The following PKN2 variants were observed in gnomAD, a reference collection of about 807,000 sequenced individuals.
PKN2 encodes the protein protein kinase N2.
In PKN2, 38 loss-of-function variants were observed where a neutral mutation model predicts 119.1. That is an observed-to-expected ratio of 0.32 (90% CI 0.25 to 0.42). The LOEUF is 0.42. Ranked by LOEUF, PKN2 falls within the 10% of genes least tolerant of loss-of-function variation. PKN2 has a pLI of 1.00. For missense variants in PKN2, 850 were observed against 1,165.1 expected, an observed-to-expected ratio of 0.73 and a Z score of 3.94; for synonymous variants, 390 against 384.9, an observed-to-expected ratio of 1.01 and a Z score of -0.15.
intron 3 of PKN2, among the ~76,000 whole-genome samples, chr1:88,768,675 T>G (rs1055692842): frequency 6.6e-6 from 1 of 152,196 alleles, no homozygotes; most frequent in African/African-American, 2.4e-5. Context: ...CATCTTCGAG[T>G]AGGTCATTAT....
Position 88,741,230 on chromosome 1 carries a change from T to C in PKN2, c.291T>C (p.His97=), listed in dbSNP as rs1668566407. 1.2e-6 allele frequency: 2 copies of C among 1,600,844 alleles called. No individual in the cohort carries two copies. The highest frequency in any genetic ancestry group is 1.4e-5 in the African/African-American group (1 of 73,928). ...CAAATAAAAAATTAGAAGAACTACA[T>C]CACAAGCTGCAGGAATTAAATGCAC... ...KKSNKKLEEL[H]HKLQELNAHI... The change falls in exon 2 of 22, where the codon CAT becomes CAC. Residue 97 remains histidine (H), a synonymous_variant. Coordinates refer to ENST00000370521, the MANE Select transcript of PKN2 (RefSeq NM_006256.4).
At chr1:88,753,448 T>C (rs1198958804) in intron 2 of PKN2, among the ~76,000 whole-genome samples, 2 of 152,202 alleles carry the variant, frequency 1.3e-5, no homozygotes, top group African/African-American at 2.4e-5. Flanking sequence ...AAAGATATTT[T>C]CGTTGGATAT....
intron 3 of PKN2, among the ~76,000 whole-genome samples, chr1:88,764,914 G>A (rs1023597112): frequency 6.6e-6 from 1 of 151,746 alleles, no homozygotes; most frequent in South Asian, 2.1e-4. Flanking sequence ...TGTTGTTATT[G>A]TTGTTTTGTT....
chr1:88,793,598 G>T (rs184988644), intron 8 of PKN2, among the ~76,000 whole-genome samples: 1 of 152,132 alleles, frequency 6.6e-6, no homozygotes, highest in East Asian at 1.9e-4. Flanking sequence ...CATTATGAGG[G>T]ATTTAAAATA....
At chr1:88,698,557 G>A (rs61025828) in intron 1 of PKN2, among the ~76,000 whole-genome samples, 13,190 of 152,126 alleles carry the variant, frequency 0.087, 1,302 homozygotes, top group African/African-American at 0.24. Flanking sequence ...GTATTAATAG[G>A]CGCTTACATT....
At chr1:88,746,488 G>A (rs1192202386) in intron 2 of PKN2, among the ~76,000 whole-genome samples, 4 of 121,550 alleles carry the variant, frequency 3.3e-5, no homozygotes, top group Non-Finnish European at 7.5e-5. Context: ...ATAAATGGCC[G>A]ACAGATAATA....
chr1:88,791,584 T>C (rs1670845098), intron 8 of PKN2, among the ~76,000 whole-genome samples: 1 of 152,176 alleles, frequency 6.6e-6, no homozygotes, highest in Non-Finnish European at 1.5e-5. Context: ...AGAGTGGGGT[T>C]ATGTCCAGTC....
chr1:88,755,617 A>G (rs1233640874), intron 2 of PKN2, among the ~76,000 whole-genome samples: 2 of 152,204 alleles, frequency 1.3e-5, no homozygotes, highest in Non-Finnish European at 2.9e-5. Context: ...AGCCCTTATT[A>G]CATTTTAAGC....
At chr1:88,764,854 T>C (rs1669594779) in intron 3 of PKN2, among the ~76,000 whole-genome samples, 1 of 152,226 alleles carries the variant, frequency 6.6e-6, no homozygotes, top group Non-Finnish European at 1.5e-5. Context: ...TCCTTTGGAA[T>C]GATCTCTGGG....
chr1:88,767,868 T>G (rs1669727879), intron 3 of PKN2, among the ~76,000 whole-genome samples: 1 of 152,218 alleles, frequency 6.6e-6, no homozygotes, highest in Admixed American at 6.5e-5. Context: ...TCTTTCTTCT[T>G]TATTCAGTGT....
chr1:88,826,290 A>G (rs141304848), intron 18 of PKN2, among the ~76,000 whole-genome samples: 2 of 152,284 alleles, frequency 1.3e-5, no homozygotes, highest in African/African-American at 4.8e-5. Flanking sequence ...TCATAAAAAC[A>G]TGTTTAGTAG....
chr1:88,719,191 A>C (rs1012087106), intron 1 of PKN2, among the ~76,000 whole-genome samples: 2 of 152,226 alleles, frequency 1.3e-5, no homozygotes, highest in Non-Finnish European at 2.9e-5. Flanking sequence ...TTTATTGCTC[A>C]CTAATTTTTA....
At position 88,760,369 on chromosome 1, in the gene PKN2, C is replaced by A; in HGVS notation, c.497C>A (p.Ser166Tyr). Residue 166 changes from serine to tyrosine, a missense_variant, in exon 3 of 22, where the codon TCT (serine) becomes TAT (tyrosine). Transcript: ENST00000370521. ...ENMIQMYSNG[S>Y]SKDRKLHGTA... is the part of the protein sequence containing the mutation. Reference sequence around the variant, plus strand: ...ATGATACAGATGTATTCAAATGGATCTTCAAAGGTAAGTGTAGTTAATAAA... The same window carrying A: ...ATGATACAGATGTATTCAAATGGATATTCAAAGGTAAGTGTAGTTAATAAA... 1 of 1,512,138 alleles carries A rather than the reference C, an allele frequency of 6.6e-7. No homozygotes were observed. The highest frequency in any genetic ancestry group is 9.0e-7 in the Non-Finnish European group (1 of 1,105,646). 93.7% of individuals were successfully genotyped at this position (1,512,138 alleles called of 1,614,324 possible). A position where few individuals can be genotyped will look rare whatever the true frequency, so the allele number is the denominator to read the frequency against.
intron 6 of PKN2, among the ~76,000 whole-genome samples, chr1:88,780,661 A>C (rs1670298639): frequency 6.6e-6 from 1 of 152,154 alleles, no homozygotes; most frequent in Admixed American, 6.5e-5. Context: ...TGATACATTC[A>C]ACAAGTACTT....
intron 8 of PKN2, among the ~76,000 whole-genome samples, chr1:88,797,607 G>A (rs1438846006): frequency 3.4e-5 from 5 of 147,822 alleles, no homozygotes; most frequent in African/African-American, 1.0e-4. Flanking sequence ...GCGCCACTGC[G>A]CTCCAGCCTG....
intron 3 of PKN2, among the ~76,000 whole-genome samples, chr1:88,766,704 T>G (rs1669681741): frequency 6.6e-6 from 1 of 152,198 alleles, no homozygotes; most frequent in Non-Finnish European, 1.5e-5. Context: ...GTCAGATTTC[T>G]CCAATATGTA....
At chr1:88,784,132 CTTTTTTTT>C (rs397862410) in intron 6 of PKN2, among the ~76,000 whole-genome samples, 2 of 103,948 alleles carry the variant, frequency 1.9e-5, no homozygotes, top group African/African-American at 4.1e-5. Flanking sequence ...GATGCTGTTC[CTTTTTTTT>C]TTTTTTTTTT....
rs567725557 is a variant in PKN2 at position 88,828,705 on chromosome 1, C to T, written c.2562+82C>T. The T allele has an allele frequency of 2.1e-5, 25 of 1,171,064 alleles. No homozygotes were observed. The South Asian group carries it at 3.7e-4, about 17-fold the overall frequency. 72.5% of individuals were successfully genotyped at this position (1,171,064 alleles called of 1,614,324 possible). On this transcript the variant is annotated intron_variant, in intron 19 of 21. Coordinates refer to ENST00000370521, the MANE Select transcript of PKN2 (RefSeq NM_006256.4). The stretch of plus-strand genomic sequence containing the variant: ...ATGTCATTTATAAAACCACCTAATA[C>T]TGTCTTCAGTATGAGTGGAATTTAA...
At chr1:88,698,267 C>G (rs376647363) in intron 1 of PKN2, among the ~76,000 whole-genome samples, 1 of 152,050 alleles carries the variant, frequency 6.6e-6, no homozygotes, top group East Asian at 1.9e-4. Context: ...ACCACCACCC[C>G]CCTTTTCTTT....
Sources: allele counts gnomAD v4.1 joint callset (sites outside exome capture counted in the v4.1 genomes callset), GRCh38; gene constraint gnomAD v4.1.1; transcripts MANE v1.5; gene names NCBI Gene and HGNC (gene_info 2026-07-23, HGNC 2026-07-21).